Variants in KSR2 observed in about 807,000 individuals in gnomAD.
The protein encoded by KSR2 is kinase suppressor of ras 2.
A neutral mutation model predicts 107.8 loss-of-function variants in KSR2; 25 were observed. That is an observed-to-expected ratio of 0.23 (90% CI 0.17 to 0.32). KSR2 has a LOEUF of 0.32. KSR2 is among the 10% of genes least tolerant of loss of function. The pLI, the probability that KSR2 is intolerant of heterozygous loss-of-function variation, is 1.00. For synonymous variants in KSR2, 480 were observed against 507.0 expected (o/e 0.95, Z 0.71); for missense variants, 887 against 1,268.9 (o/e 0.70, Z 4.57).
intron 5 of KSR2, among the ~76,000 whole-genome samples, chr12:117,625,715 C>T (rs1028780196): frequency 1.1e-4 from 17 of 152,256 alleles, no homozygotes; most frequent in African/African-American, 3.4e-4. Context: ...ATGTTGGCCT[C>T]ATAAAATGAG....
At chr12:117,595,963 T>C (rs1880617963) in intron 5 of KSR2, among the ~76,000 whole-genome samples, 1 of 152,116 alleles carries the variant, frequency 6.6e-6, no homozygotes, top group Non-Finnish European at 1.5e-5. Context: ...GGCAAAGACA[T>C]AGGAAAGAAG....
At chr12:117,511,640 G>C (rs533912357) in intron 14 of KSR2, among the ~76,000 whole-genome samples, 39 of 152,354 alleles carry the variant, frequency 2.6e-4, no homozygotes, top group Admixed American at 2.6e-4. Context: ...CCTTAGCACA[G>C]TGCCTAGTGT....
rs577182979 is a variant in KSR2 at position 117,771,879 on chromosome 12, GACGCACAA to G, written c.473-10363_473-10356del. On this transcript the variant is annotated intron_variant, in intron 3 of 19. Coordinates refer to ENST00000339824, the MANE Select transcript of KSR2 (RefSeq NM_173598.6). Reference sequence around the variant, plus strand: ...CACTCACACATACCACTCCCCCAAAGACGCACAAACACACAGTCACACATACATACCAT... The same window carrying G: ...CACTCACACATACCACTCCCCCAAAGACACACAGTCACACATACATACCAT... 8.2e-3 allele frequency among the ~76,000 whole-genome samples: 1,219 copies of G among 148,012 alleles called. 13 individuals are homozygous for G. The highest frequency in any genetic ancestry group is 0.022 in the African/African-American group (884 of 40,174).
At chr12:117,488,236 C>T (rs770385802) in intron 14 of KSR2, among the ~76,000 whole-genome samples, 15 of 152,260 alleles carry the variant, frequency 9.9e-5, no homozygotes, top group Non-Finnish European at 1.5e-4. Context: ...ACCCAGTCTC[C>T]GGTAGGTCTT....
In KSR2 at chr12:117,685,309, G is replaced by A. The variant is rs548136291; in HGVS notation, c.987-17651C>T. ...CGGTTACAGACCAAATATTTACACAGGCCATCATTTCCGACTGAACCAGAG... is the reference window on the plus strand; with the variant it reads ...CGGTTACAGACCAAATATTTACACAAGCCATCATTTCCGACTGAACCAGAG... On this transcript the variant is annotated intron_variant, in intron 4 of 19. Transcript: ENST00000339824. 4.6e-4 allele frequency among the ~76,000 whole-genome samples: 70 copies of A among 152,268 alleles called. 1 individual carries two copies. The highest frequency in any genetic ancestry group is 5.1e-4 in the Non-Finnish European group (35 of 68,036).
chr12:117,574,361 C>T (rs914059819), intron 7 of KSR2, among the ~76,000 whole-genome samples: 5 of 152,104 alleles, frequency 3.3e-5, no homozygotes, highest in Non-Finnish European at 7.3e-5. Flanking sequence ...ACTGTATCAG[C>T]CTGCTTTCAT....
At chr12:117,498,745 A>G (rs1351554174) in intron 14 of KSR2, among the ~76,000 whole-genome samples, 2 of 152,160 alleles carry the variant, frequency 1.3e-5, no homozygotes, top group African/African-American at 2.4e-5. Context: ...GTGATAGTGA[A>G]TAAGTCTCAC....
chr12:117,637,688 T>TG (rs1565938444), intron 5 of KSR2, among the ~76,000 whole-genome samples: 1,812 of 136,356 alleles, frequency 0.013, 101 homozygotes, highest in African/African-American at 0.048. Flanking sequence ...TTTTTTTTTT[T>TG]TTTTTTTTTT....
chr12:117,485,382 A>G (rs1482532313), intron 15 of KSR2, among the ~76,000 whole-genome samples: 1 of 152,216 alleles, frequency 6.6e-6, no homozygotes, highest in Admixed American at 6.5e-5. Flanking sequence ...TGGAAACCAA[A>G]CATTGGTGGA....
chr12:117,838,127 A>T (rs2466453), intron 3 of KSR2, among the ~76,000 whole-genome samples: 2 of 152,082 alleles, frequency 1.3e-5, no homozygotes, highest in Admixed American at 6.5e-5. Context: ...AGTCTGATGC[A>T]GAACAGACCC....
At chr12:117,535,404 A>T (rs1875971243) in intron 10 of KSR2, among the ~76,000 whole-genome samples, 1 of 152,184 alleles carries the variant, frequency 6.6e-6, no homozygotes, top group South Asian at 2.1e-4. Context: ...ACAAGTGAGT[A>T]TGTAAACCAG....
At chr12:117,508,863 T>G (rs1873860309) in intron 14 of KSR2, among the ~76,000 whole-genome samples, 1 of 135,166 alleles carries the variant, frequency 7.4e-6, no homozygotes. Context: ...GATGTGAAGG[T>G]GGGTAGATGG....
At position 117,464,240 on chromosome 12, in the gene KSR2, G is replaced by A. The variant is rs1168463407; in HGVS notation, c.*2959C>T. ...AGATGTTTCTCTCTGCAAAGCCAAGGCTTCCTGGTGAATCTTCACCCTGTG... is the reference window on the plus strand; with the variant it reads ...AGATGTTTCTCTCTGCAAAGCCAAGACTTCCTGGTGAATCTTCACCCTGTG... On this transcript the variant is annotated 3_prime_UTR_variant, in exon 20 of 20. Coordinates refer to ENST00000339824, the MANE Select transcript of KSR2 (RefSeq NM_173598.6). The A allele has an allele frequency of 2.0e-5, 3 of 152,218 alleles. No individual in the cohort carries two copies. The highest frequency in any genetic ancestry group is 4.4e-5 in the Non-Finnish European group (3 of 68,044). 9.4% of individuals were successfully genotyped at this position (152,218 alleles called of 1,614,324 possible).
In KSR2 at chr12:117,525,351, A is replaced by G; in HGVS notation, c.1852-132T>C. The G allele has an allele frequency of 2.9e-6, 3 of 1,021,288 alleles. No individual in the cohort carries two copies. The South Asian group carries it at 5.3e-5, about 18-fold the overall frequency. The allele number at this position is 1,021,288 out of a possible 1,614,324, so 63.3% of individuals were successfully genotyped here. ...ACATGCATTTGGAGCTTGTGCAGAC[A>G]TACGTCCCTCTGTTTCCCCAGCTCT... On this transcript the variant is annotated intron_variant, in intron 13 of 19. Coordinates refer to ENST00000339824, the MANE Select transcript of KSR2 (RefSeq NM_173598.6).
chr12:117,705,388 T>C (rs1228972003), intron 4 of KSR2, among the ~76,000 whole-genome samples: 1 of 152,190 alleles, frequency 6.6e-6, no homozygotes, highest in Non-Finnish European at 1.5e-5. Flanking sequence ...GAGGGCCTAT[T>C]AGGAGCCTGG....
chr12:117,732,688 C>T (rs1887780348), intron 4 of KSR2, among the ~76,000 whole-genome samples: 2 of 152,040 alleles, frequency 1.3e-5, no homozygotes, highest in Non-Finnish European at 2.9e-5. Context: ...CAGCTGGAGG[C>T]CTAGAGAGTT....
Position 117,471,248 on chromosome 12 carries a change from T to A in KSR2, c.2655A>T (p.Gln885His). The change falls in exon 18 of 20, where the codon CAA becomes CAT. Residue 885 changes from glutamine to histidine, a missense_variant. Transcript: ENST00000339824. ...KTQPAEAIIWQMGTGMKPNLS... is the reference protein window; with the variant it reads ...KTQPAEAIIWHMGTGMKPNLS... ...GGTTGGGTTTCATGCCTGTGCCCAT[T>A]TGCCAGATTATTGCCTCTGCTGGTT... is the stretch of plus-strand genomic sequence containing the variant. 6.2e-7 allele frequency: 1 copy of A among 1,614,008 alleles called. No homozygotes were observed. The highest frequency in any genetic ancestry group is 8.5e-7 in the Non-Finnish European group (1 of 1,179,880).
chr12:117,803,979 A>T (rs1476753223), intron 3 of KSR2, among the ~76,000 whole-genome samples: 2 of 152,152 alleles, frequency 1.3e-5, no homozygotes, highest in Admixed American at 6.5e-5. Flanking sequence ...GGGTTAACAA[A>T]CTATAGTCCA....
intron 3 of KSR2, among the ~76,000 whole-genome samples, chr12:117,813,323 G>A (rs1283113094): frequency 6.6e-6 from 1 of 152,066 alleles, no homozygotes; most frequent in Non-Finnish European, 1.5e-5. Context: ...CACAGCAAAA[G>A]AATCAATCAA....
Sources: gnomAD v4.1 joint callset for allele counts (sites outside exome capture counted in the v4.1 genomes callset) on GRCh38, gnomAD v4.1.1 for gene constraint, MANE v1.5 for transcripts, NCBI Gene and HGNC (gene_info 2026-07-23, HGNC 2026-07-21) for gene names.